SS18: variants seen among roughly 807,000 people sequenced by gnomAD.
SS18 encodes the protein SS18 subunit of BAF chromatin remodeling complex.
SS18 carries 28 observed loss-of-function variants against 72.5 expected under a neutral mutation model. That is an observed-to-expected ratio of 0.39 (90% CI 0.29 to 0.53). SS18 has a LOEUF of 0.53. Ranked by LOEUF, SS18 falls within the 20% of genes least tolerant of loss-of-function variation. SS18 has a pLI of 0.76. For missense variants in SS18, 518 were observed against 535.3 expected (o/e 0.97, Z 0.32); for synonymous variants, 172 against 164.2 (o/e 1.05, Z -0.37).
intron 3 of SS18, among the ~76,000 whole-genome samples, chr18:26,070,115 C>G (rs961994204): frequency 2.6e-5 from 4 of 152,050 alleles, no homozygotes; most frequent in Admixed American, 1.3e-4. Flanking sequence ...CACAAGAAAT[C>G]CACGTAACAA....
chr18:26,058,898 AAAAC>A (rs2054071739), intron 3 of SS18, among the ~76,000 whole-genome samples: 1 of 152,208 alleles, frequency 6.6e-6, no homozygotes, highest in Admixed American at 6.5e-5. Context: ...AACAAACAAA[AAAAC>A]AAACAAAAAA....
chr18:26,048,897 G>C (rs572303725), intron 5 of SS18, among the ~76,000 whole-genome samples: 1 of 152,188 alleles, frequency 6.6e-6, no homozygotes, highest in South Asian at 2.1e-4. Flanking sequence ...AAAGCTTGAT[G>C]ATTAGCCAAC....
chr18:26,032,034 G>A (rs1194467087), intron 10 of SS18, among the ~76,000 whole-genome samples: 5 of 152,106 alleles, frequency 3.3e-5, no homozygotes, highest in East Asian at 3.9e-4. Context: ...ATTTATTAAC[G>A]TTGAACTGTA....
chr18:26,086,182 T>A (rs1194170529), intron 2 of SS18, among the ~76,000 whole-genome samples: 1 of 152,204 alleles, frequency 6.6e-6, no homozygotes, highest in Non-Finnish European at 1.5e-5. Context: ...CAGGAGGACG[T>A]GAGTAGGTGA....
At chr18:26,021,710 T>A (rs1423159383) in intron 10 of SS18, among the ~76,000 whole-genome samples, 1 of 152,186 alleles carries the variant, frequency 6.6e-6, no homozygotes, top group Non-Finnish European at 1.5e-5. Context: ...ATAACATTTG[T>A]CATTTATTAG....
chr18:26,062,859 C>T (rs1479329341), intron 3 of SS18, among the ~76,000 whole-genome samples: 3 of 152,050 alleles, frequency 2.0e-5, no homozygotes, highest in African/African-American at 7.2e-5. Flanking sequence ...CACAACACTG[C>T]TTCAAAAATT....
chr18:26,035,946 AG>A lies in SS18; in HGVS notation c.881-24del, dbSNP rs1407146502. 1.3e-6 allele frequency: 2 copies of A among 1,538,868 alleles called. No individual in the cohort carries two copies. Among genetic ancestry groups the A allele is most frequent in the Non-Finnish European group, 1.8e-6 (2 of 1,122,034 alleles). ...GACCTACATCAATTCGACAAGAGAC[AG>A]GAAGAAACGTTAATGGCCACTGAGT... is the stretch of plus-strand genomic sequence containing the variant. On this transcript the variant is annotated intron_variant, in intron 7 of 10. Coordinates refer to ENST00000415083, the MANE Select transcript of SS18 (RefSeq NM_001007559.3). The surrounding 1 kb of genome is among the most constrained non-coding windows in gnomAD (Gnocchi z 4.4).
chr18:26,018,245 T>C lies in SS18; in HGVS notation c.*109A>G. 2 of 973,866 alleles carry C rather than the reference T, an allele frequency of 2.1e-6. No homozygotes were observed. Among genetic ancestry groups the C allele is most frequent in the East Asian group, 2.6e-5 (1 of 38,848 alleles). The allele number at this position is 973,866 out of a possible 1,614,324, so 60.3% of individuals were successfully genotyped here. A position where few individuals can be genotyped will look rare whatever the true frequency, so the allele number is the denominator to read the frequency against. ...AACAGCCACTTATCCACAAGGTTTT[T>C]CCAAAAACTAGATGGAATGGAAGGA... is the stretch of plus-strand genomic sequence containing the variant. On this transcript the variant is annotated 3_prime_UTR_variant, in exon 11 of 11. Coordinates refer to ENST00000415083, the MANE Select transcript of SS18 (RefSeq NM_001007559.3).
In SS18 at chr18:26,032,663, T is replaced by C; in HGVS notation, c.1097-131A>G. On this transcript the variant is annotated intron_variant, in intron 9 of 10. Transcript: ENST00000415083. ...AAAAAAAGATAGTTTGGTACCTTGA[T>C]TTCCTCAAATGCTTTCTGAAATAAA... The C allele has an allele frequency of 5.2e-6, 5 of 952,452 alleles. No homozygotes were observed. The Admixed American group carries it at 1.5e-4, about 28-fold the overall frequency. 59.0% of individuals were successfully genotyped at this position (952,452 alleles called of 1,614,324 possible). A position where few individuals can be genotyped will look rare whatever the true frequency, so the allele number is the denominator to read the frequency against.
chr18:26,060,771 CAAAAAAAAAAAAAAAAAAA>C (rs60999827), intron 3 of SS18, among the ~76,000 whole-genome samples: 44 of 39,610 alleles, frequency 1.1e-3, no homozygotes, highest in Admixed American at 6.0e-3. Flanking sequence ...CTAAAAATAC[CAAAAAAAAAAAAAAAAAAA>C]AAAAAAAAAA....
intron 5 of SS18, among the ~76,000 whole-genome samples, chr18:26,049,002 C>T (rs187551386): frequency 3.9e-5 from 6 of 152,246 alleles, no homozygotes; most frequent in Non-Finnish European, 8.8e-5. Flanking sequence ...GTAATTTAGT[C>T]AAAGGTCCCA....
chr18:26,069,763 T>G (rs1309259657), intron 3 of SS18, among the ~76,000 whole-genome samples: 2 of 152,210 alleles, frequency 1.3e-5, no homozygotes, highest in African/African-American at 4.8e-5. Flanking sequence ...CCCAAGTTTT[T>G]CTCAAAGAAA....
chr18:26,052,317 A>T (rs1192173131), intron 5 of SS18, among the ~76,000 whole-genome samples: 4 of 152,212 alleles, frequency 2.6e-5, no homozygotes, highest in Non-Finnish European at 5.9e-5. Flanking sequence ...GCAGGTGTTT[A>T]TTTTCTCAAC....
intron 10 of SS18, 44 bp downstream of exon 10, chr18:26,032,354 GT>G: frequency 6.2e-7 from 1 of 1,602,928 alleles, no homozygotes; most frequent in South Asian, 1.1e-5. Flanking sequence ...CTAATCGAGA[GT>G]GAAGAAACAA....
At position 26,030,714 on chromosome 18, in the gene SS18, T is replaced by C. The variant is rs2143827073; in HGVS notation, c.1230+1685A>G. ...ACAAGAGATGTTCTGTACATTTGGA[T>C]AAAAAGGAGCTGAAACTGGGTTGAG... On this transcript the variant is annotated intron_variant, in intron 10 of 10. Transcript: ENST00000415083. Among the ~76,000 whole-genome samples, 2 of 151,732 alleles carry C rather than the reference T, an allele frequency of 1.3e-5. 1 individual carries two copies. Among genetic ancestry groups the C allele is most frequent in the South Asian group, 4.2e-4 (2 of 4,810 alleles).
intron 4 of SS18, 125 bp downstream of exon 4, chr18:26,057,464 G>A (rs546672186): frequency 1.8e-6 from 2 of 1,104,006 alleles, no homozygotes; most frequent in East Asian, 2.4e-5. Flanking sequence ...CAAACTCTAA[G>A]AGAGCTTGTA....
intron 1 of SS18, chr18:26,089,977 G>A (rs1472810697): frequency 6.3e-6 from 1 of 158,022 alleles, no homozygotes. Context: ...TCTATACTAA[G>A]GTTCCCTCCA....
chr18:26,024,401 T>C lies in SS18; in HGVS notation c.1231-6021A>G, dbSNP rs551096728. On this transcript the variant is annotated intron_variant, in intron 10 of 10. Transcript: ENST00000415083. ...GTATAGTGACACAATCACAACTTAC[T>C]GCAGCCTCGACCTCCTGGGTTCATG... 3.1e-4 allele frequency among the ~76,000 whole-genome samples: 47 copies of C among 152,306 alleles called. No homozygotes were observed. The East Asian group carries it at 8.5e-3, about 28-fold the overall frequency.
At position 26,038,624 on chromosome 18, in the gene SS18, A is replaced by T; in HGVS notation, c.811T>A (p.Tyr271Asn). The T allele has an allele frequency of 6.2e-7, 1 of 1,613,568 alleles. No homozygotes were observed. Residue 271 changes from tyrosine to asparagine, a missense_variant, in exon 7 of 11, where the codon TAC (tyrosine) becomes AAC (asparagine). By Grantham distance (143) the Tyr-to-Asn change is moderately radical. Coordinates refer to ENST00000415083, the MANE Select transcript of SS18 (RefSeq NM_001007559.3). ...CCACCATGACTGTATTGGTCCCCGT[A>T]ATAGTCTTCCTGGCCTGAGTACTGC... The part of the protein sequence containing the change: ...PQQYSGQEDY[Y>N]GDQYSHGGQG...
Sources: allele counts gnomAD v4.1 joint callset (sites outside exome capture counted in the v4.1 genomes callset), GRCh38; gene constraint gnomAD v4.1.1; non-coding constraint Gnocchi (gnomAD v3.1); transcripts MANE v1.5; gene names NCBI Gene and HGNC (gene_info 2026-07-23, HGNC 2026-07-21).